The following USP6 variants were observed in gnomAD, a reference collection of about 807,000 sequenced individuals.
USP6 encodes the protein ubiquitin specific peptidase 6.
A neutral mutation model predicts 175.7 loss-of-function variants in USP6; 128 were observed. That is an observed-to-expected ratio of 0.73 (90% confidence interval 0.63 to 0.84). The LOEUF (loss-of-function observed/expected upper bound fraction) is 0.84. USP6 is among the 40% of genes least tolerant of loss of function. USP6 has a pLI of 0.00. For missense variants in USP6, 1,498 were observed against 1,760.3 expected (o/e 0.85, Z 2.67); for synonymous variants, 562 against 630.6 (o/e 0.89, Z 1.63).
At chr17:5,141,175 A>G (rs1166222975) in intron 22 of USP6, among the ~76,000 whole-genome samples, 5 of 152,200 alleles carry the variant, frequency 3.3e-5, no homozygotes, top group Non-Finnish European at 7.3e-5. Flanking sequence ...CCAAGGAGCA[A>G]CAGCCTATAC....
Position 5,167,959 on chromosome 17 carries a change from C to T in USP6, c.3064C>T (p.Gln1022Ter). The T allele has an allele frequency of 6.2e-7, 1 of 1,611,914 alleles. No individual in the cohort carries two copies. Among genetic ancestry groups the T allele is most frequent in the African/African-American group, 1.3e-5 (1 of 74,970 alleles). Reference protein sequence around the residue: ...RVVDKHESVEQSRRAQAEPIN... With the variant: ...RVVDKHESVE ...TGTAGATAAGCATGAGAGTGTGGAGCAGAGTCGGCGAGCGCAAGCCGAGCC... is the reference window on the plus strand; with the variant it reads ...TGTAGATAAGCATGAGAGTGTGGAGTAGAGTCGGCGAGCGCAAGCCGAGCC... The change falls in exon 34 of 38, where the codon CAG becomes TAG. Residue 1022 changes from glutamine to a stop codon, truncating the protein, a stop_gained. Transcript: ENST00000574788. LOFTEE classifies it high-confidence loss of function.
At position 5,163,440 on chromosome 17, in the gene USP6, C is replaced by T. The variant is rs147849140; in HGVS notation, c.3036+436C>T. On this transcript the variant is annotated intron_variant, in intron 33 of 37. Coordinates refer to ENST00000574788, the MANE Select transcript of USP6 (RefSeq NM_001304284.2). ...GGAAGATCCTCGCTTTCTAACAGCC[C>T]GCTCTCTTGGAAACTAAGTTCTCAG... Among the ~76,000 whole-genome samples, 969 of 152,196 alleles carry T rather than the reference C, an allele frequency of 6.4e-3. 12 individuals carry two copies. Among genetic ancestry groups the T allele is most frequent in the African/African-American group, 0.022 (902 of 41,522 alleles).
intron 14 of USP6, 100 bp downstream of exon 14, chr17:5,133,650 G>GGGGGGGGGGGGGGGC: frequency 3.6e-6 from 2 of 556,552 alleles, no homozygotes; most frequent in Non-Finnish European, 7.0e-6. Flanking sequence ...GGGGGGGTGG[G>GGGGGGGGGGGGGGGC]AGGGGATGGT....
intron 6 of USP6, among the ~76,000 whole-genome samples, chr17:5,126,347 A>G (rs947098749): frequency 3.3e-5 from 5 of 152,190 alleles, no homozygotes; most frequent in Non-Finnish European, 7.3e-5. Context: ...CAGGAAGGCA[A>G]TAGACAAGAC....
chr17:5,132,040 G>A lies in USP6; in HGVS notation c.156-356G>A, dbSNP rs942829962. Among the ~76,000 whole-genome samples, 7 of 152,060 alleles carry A rather than the reference G, an allele frequency of 4.6e-5. No homozygotes were observed. The highest frequency in any genetic ancestry group is 1.3e-4 in the Admixed American group (2 of 15,286). On this transcript the variant is annotated intron_variant, in intron 11 of 37. Transcript: ENST00000574788. This position sits in a 1 kb window ranked among gnomAD's most constrained non-coding sequence, Gnocchi z 4.7. ...CCCTGAGGGACTCCTGTCAGGGCCC[G>A]GTCGCCCATGCTGGGTGGCCCCCAT... is the stretch of plus-strand genomic sequence containing the variant.
intron 30 of USP6, among the ~76,000 whole-genome samples, chr17:5,149,093 C>T (rs149022845): frequency 1.2e-3 from 177 of 152,136 alleles, no homozygotes; most frequent in Non-Finnish European, 1.7e-3. Flanking sequence ...CATCTGAGTA[C>T]TACTTTCTTT....
rs931644608 is a variant in USP6, at chr17:5,120,639, C to T, written c.-1824C>T. ...CCTCTCTGCCCAGGAAATGAAGGCC[C>T]TTTGAGGTCAGGTGGATGAGGATGT... On this transcript the variant is annotated 5_prime_UTR_variant, in exon 3 of 38. Transcript: ENST00000574788. The T allele has an allele frequency of 5.2e-6, 2 of 381,526 alleles. No individual in the cohort carries two copies. Among genetic ancestry groups the T allele is most frequent in the Non-Finnish European group, 1.0e-5 (2 of 195,996 alleles). The allele number at this position is 381,526 out of a possible 1,614,324, so 23.6% of individuals were successfully genotyped here.
intron 35 of USP6, 132 bp from the exon 36 acceptor site, chr17:5,170,347 G>T: frequency 1.5e-6 from 2 of 1,366,674 alleles, no homozygotes; most frequent in Non-Finnish European, 2.0e-6. Context: ...GAACCAAAGG[G>T]TAGCCAGTCA....
chr17:5,144,895 A>G (rs1347187804), intron 26 of USP6, 32 bp downstream of exon 26: 11 of 1,564,288 alleles, frequency 7.0e-6, no homozygotes, highest in Admixed American at 1.9e-5. Flanking sequence ...AATGTAAGCA[A>G]TAGACAAAAT....
At chr17:5,172,446 G>A (rs1322589302) in intron 37 of USP6, among the ~76,000 whole-genome samples, 1 of 152,156 alleles carries the variant, frequency 6.6e-6, no homozygotes, top group Non-Finnish European at 1.5e-5. Context: ...CAGGAGAATC[G>A]CTTGAACCCG....
chr17:5,136,979 G>C (rs765443759), intron 18 of USP6, 142 bp from the exon 19 acceptor site: 56 of 1,155,274 alleles, frequency 4.8e-5, no homozygotes, highest in Non-Finnish European at 6.7e-5. Context: ...TCCACCGGGA[G>C]TGTGGGAAGG....
intron 18 of USP6, 90 bp downstream of exon 18, chr17:5,136,824 G>A: frequency 1.3e-6 from 2 of 1,543,214 alleles, no homozygotes; most frequent in Non-Finnish European, 1.8e-6. Context: ...TGTGGGACTG[G>A]TGACTGGCGG....
intron 33 of USP6, among the ~76,000 whole-genome samples, chr17:5,165,610 A>C (rs894474892): frequency 1.3e-5 from 2 of 152,068 alleles, no homozygotes; most frequent in African/African-American, 4.8e-5. Context: ...CAAAAACAAA[A>C]AAGAAAAAAA....
At chr17:5,125,657 AACACGC>A (rs2072862312) in intron 5 of USP6, among the ~76,000 whole-genome samples, 158 bp from the exon 6 acceptor site, 1 of 52,798 alleles carries the variant, frequency 1.9e-5, no homozygotes, top group South Asian at 4.3e-4. Context: ...GCAACACACA[AACACGC>A]ACACACACGC....
intron 22 of USP6, 55 bp downstream of exon 22, chr17:5,139,729 C>T (rs2073385693): frequency 1.3e-6 from 2 of 1,598,096 alleles, no homozygotes; most frequent in Non-Finnish European, 1.7e-6. Context: ...CTTCCCGGCC[C>T]TGCAGTGCAC....
chr17:5,146,123 A>G lies in USP6; in HGVS notation c.2268A>G (p.Gly756=), dbSNP rs2073602739. 6.2e-6 allele frequency: 10 copies of G among 1,613,130 alleles called. No individual in the cohort carries two copies. In the East Asian group the frequency reaches 2.2e-4, roughly 36 times the overall value. The change falls in exon 28 of 38, where the codon GGA becomes GGG. Residue 756 remains glycine, a synonymous_variant. Coordinates refer to ENST00000574788, the MANE Select transcript of USP6 (RefSeq NM_001304284.2). ...GLKKQLRDLC[G]LNSEQILLAE... Reference sequence around the variant, plus strand: ...AAAAACAGCTGAGGGATCTCTGTGGACTTAATTCAGAACAAATCCTACTAG... The same window carrying G: ...AAAAACAGCTGAGGGATCTCTGTGGGCTTAATTCAGAACAAATCCTACTAG...
Position 5,170,717 on chromosome 17 carries a change from C to T in USP6, c.3756C>T (p.Ser1252=), listed in dbSNP as rs145312817. The change falls in exon 36 of 38, where the codon AGC becomes AGT. Residue 1252 remains serine (S), a synonymous_variant. Coordinates refer to ENST00000574788, the MANE Select transcript of USP6 (RefSeq NM_001304284.2). ...ALSRGHMRGG[S]QPELVTPQDH... ...GCCGAGGGCATATGCGGGGGGGCAG[C>T]CAACCAGAGCTGGTCACTCCTCAGG... 2,136 of 1,613,932 alleles carry T rather than the reference C, an allele frequency of 1.3e-3. 26 individuals carry two copies. In the African/African-American group the frequency reaches 0.025, roughly 19 times the overall value.
At position 5,170,593 on chromosome 17, in the gene USP6, A is replaced by C; in HGVS notation, c.3632A>C (p.Gln1211Pro). The C allele has an allele frequency of 6.2e-7, 1 of 1,612,916 alleles. No homozygotes were observed. The highest frequency in any genetic ancestry group is 2.2e-5 in the East Asian group (1 of 44,892). The stretch of plus-strand genomic sequence containing the variant: ...AGCAAAGGGAGGCTCCGGCTGCCCC[A>C]GATTGGCAGCAAAAATAAGCCGTCA... The part of the protein sequence containing the change: ...GRSKGRLRLP[Q>P]IGSKNKPSSS... The change falls in exon 36 of 38, where the codon CAG (glutamine) becomes CCG (proline). Residue 1211 changes from glutamine (Q) to proline (P), a missense_variant. Physicochemically the swap from Gln to Pro is moderately conservative, Grantham distance 76. Coordinates refer to ENST00000574788, the MANE Select transcript of USP6 (RefSeq NM_001304284.2).
intron 30 of USP6, among the ~76,000 whole-genome samples, chr17:5,149,394 C>T (rs28549084): frequency 0.34 from 51,785 of 151,634 alleles, 10,200 homozygotes; most frequent in Non-Finnish European, 0.45. Context: ...TAAAGCGAGA[C>T]TTCATCTCAA....
Sources: allele counts gnomAD v4.1 joint callset (sites outside exome capture counted in the v4.1 genomes callset), GRCh38; gene constraint gnomAD v4.1.1; non-coding constraint Gnocchi (gnomAD v3.1); transcripts MANE v1.5; gene names NCBI Gene and HGNC (gene_info 2026-07-23, HGNC 2026-07-21).